Variants in PDCL2 observed in about 807,000 individuals in gnomAD.
The protein encoded by PDCL2 is phosducin-like protein 2.
Under a neutral mutation model 30.3 loss-of-function variants are expected in PDCL2, and 23 were observed. That is an observed-to-expected ratio of 0.76 (90% CI 0.55 to 1.08). The LOEUF is 1.08. Among genes scored for constraint, PDCL2 ranks in the 50% least tolerant of loss-of-function variants. PDCL2 has a pLI of 0.00. For synonymous variants in PDCL2, 68 were observed against 86.2 expected, an observed-to-expected ratio of 0.79 and a Z score of 1.17; for missense variants, 243 against 282.3, an observed-to-expected ratio of 0.86 and a Z score of 1.00.
intron 3 of PDCL2, among the ~76,000 whole-genome samples, chr4:55,574,960 A>G (rs1347616042): frequency 2.0e-5 from 3 of 152,222 alleles, no homozygotes; most frequent in African/African-American, 7.2e-5. Context: ...CTAACTTTAT[A>G]TTTAACCTTT....
chr4:55,584,061 G>C (rs1356714349), intron 1 of PDCL2, among the ~76,000 whole-genome samples: 1 of 152,052 alleles, frequency 6.6e-6, no homozygotes, highest in Non-Finnish European at 1.5e-5. Flanking sequence ...CTATTTATTT[G>C]TGTCTTCTTC....
rs1193792066 is a variant in PDCL2 at position 55,582,144 on chromosome 4, C to G, written c.100G>C (p.Val34Leu). ...EESKDEIEEMVLRLQKEAMVK... is the reference protein window; with the variant it reads ...EESKDEIEEMLLRLQKEAMVK... The stretch of plus-strand genomic sequence containing the variant: ...ATTGCTTCTTTCTGTAAACGTAAAA[C>G]CATTTCTTCAATTTCATCTTTTGAC... The change falls in exon 2 of 6, where the codon GTT becomes CTT. Residue 34 changes from valine (V) to leucine (L), a missense_variant. By Grantham distance (32) the Val-to-Leu change is conservative. Coordinates refer to ENST00000295645, the MANE Select transcript of PDCL2 (RefSeq NM_152401.3). 1 of 1,613,210 alleles carries G rather than the reference C, an allele frequency of 6.2e-7. No homozygotes were observed. Among genetic ancestry groups the G allele is most frequent in the South Asian group, 1.1e-5 (1 of 90,810 alleles).
chr4:55,567,477 G>T (rs1732298275), intron 4 of PDCL2, among the ~76,000 whole-genome samples: 1 of 152,198 alleles, frequency 6.6e-6, no homozygotes, highest in South Asian at 2.1e-4. Flanking sequence ...ATTCAAAGCT[G>T]CATTGAGCTA....
At chr4:55,562,870 CA>C (rs1415743284) in intron 4 of PDCL2, among the ~76,000 whole-genome samples, 8 of 144,858 alleles carry the variant, frequency 5.5e-5, no homozygotes, top group African/African-American at 2.0e-4. Flanking sequence ...AAACTACATT[CA>C]ACTGAGCATC....
At position 55,592,178 on chromosome 4, in the gene PDCL2, C is replaced by T; in HGVS notation, c.-69G>A. 6.3e-7 allele frequency: 1 copy of T among 1,586,674 alleles called. No individual in the cohort carries two copies. Among genetic ancestry groups the T allele is most frequent in the Admixed American group, 1.7e-5 (1 of 57,250 alleles). On this transcript the variant is annotated 5_prime_UTR_variant, in exon 1 of 6. Coordinates refer to ENST00000295645, the MANE Select transcript of PDCL2 (RefSeq NM_152401.3). Reference sequence around the variant, plus strand: ...TGGCGAGGCGCCACGGATGGAGACCCGCAGCCTTCTCCAGGCTGGAAGAGC... The same window carrying T: ...TGGCGAGGCGCCACGGATGGAGACCTGCAGCCTTCTCCAGGCTGGAAGAGC...
intron 4 of PDCL2, among the ~76,000 whole-genome samples, chr4:55,563,530 G>A (rs959435260): frequency 4.6e-5 from 7 of 152,076 alleles, no homozygotes; most frequent in Admixed American, 3.3e-4. Context: ...AAAAATGCAA[G>A]GTTTTAGGGG....
intron 4 of PDCL2, among the ~76,000 whole-genome samples, chr4:55,564,222 G>C (rs1310915111): frequency 6.6e-6 from 1 of 152,206 alleles, no homozygotes; most frequent in Admixed American, 6.5e-5. Flanking sequence ...TGGTACAACA[G>C]ATATTTGTGG....
chr4:55,558,933 C>T (rs1198830299), intron 5 of PDCL2, among the ~76,000 whole-genome samples: 1 of 152,076 alleles, frequency 6.6e-6, no homozygotes. Flanking sequence ...CACACACGCA[C>T]TCTTATAAAT....
chr4:55,580,699 A>G, intron 3 of PDCL2, 122 bp downstream of exon 3: 1 of 631,658 alleles, frequency 1.6e-6, no homozygotes, highest in African/African-American at 1.9e-5. Flanking sequence ...GGAGTTTCAA[A>G]ATGTTACTTA....
chr4:55,579,950 C>T (rs757131751), intron 3 of PDCL2, among the ~76,000 whole-genome samples: 20 of 151,934 alleles, frequency 1.3e-4, no homozygotes, highest in Non-Finnish European at 1.9e-4. Context: ...CGGGTTCAAG[C>T]GATTCTCCTG....
chr4:55,590,646 C>A (rs1732976656), intron 1 of PDCL2, among the ~76,000 whole-genome samples: 2 of 136,804 alleles, frequency 1.5e-5, no homozygotes, highest in African/African-American at 5.1e-5. Context: ...GCCACAATGT[C>A]CAGCTAATTT....
At chr4:55,566,697 G>A (rs928814368) in intron 4 of PDCL2, among the ~76,000 whole-genome samples, 2 of 151,902 alleles carry the variant, frequency 1.3e-5, no homozygotes, top group African/African-American at 4.8e-5. Flanking sequence ...CAAAGTGCTG[G>A]GATTACAGGC....
intron 4 of PDCL2, among the ~76,000 whole-genome samples, chr4:55,565,981 T>TG (rs1346953806): frequency 2.3e-5 from 3 of 131,496 alleles, no homozygotes; most frequent in African/African-American, 6.1e-5. Flanking sequence ...CTGTTTTTTT[T>TG]TTTTTTTTTT....
At chr4:55,559,426 C>A (rs1294595331) in intron 5 of PDCL2, among the ~76,000 whole-genome samples, 4 of 152,076 alleles carry the variant, frequency 2.6e-5, no homozygotes, top group Non-Finnish European at 5.9e-5. Context: ...TTGAATCAGA[C>A]ATATATGAAA....
intron 1 of PDCL2, among the ~76,000 whole-genome samples, chr4:55,586,564 G>C (rs2110168823): frequency 6.6e-6 from 1 of 152,160 alleles, no homozygotes; most frequent in African/African-American, 2.4e-5. Context: ...ACCACATTTT[G>C]TTTATTCATC....
chr4:55,583,361 T>G (rs983269260), intron 1 of PDCL2, among the ~76,000 whole-genome samples: 1 of 152,262 alleles, frequency 6.6e-6, no homozygotes, highest in Non-Finnish European at 1.5e-5. Context: ...TCCCAATATA[T>G]AGATTGTCTC....
At chr4:55,586,547 C>T (rs1437661667) in intron 1 of PDCL2, among the ~76,000 whole-genome samples, 5 of 152,146 alleles carry the variant, frequency 3.3e-5, no homozygotes, top group African/African-American at 1.2e-4. Context: ...TTCCATTGTA[C>T]CTATATACCA....
chr4:55,578,448 T>G (rs574505126), intron 3 of PDCL2, among the ~76,000 whole-genome samples: 1 of 152,236 alleles, frequency 6.6e-6, no homozygotes, highest in East Asian at 1.9e-4. Flanking sequence ...AAGTTTTCAC[T>G]TGGAAACTAC....
intron 1 of PDCL2, among the ~76,000 whole-genome samples, chr4:55,589,148 C>T (rs966619826): frequency 6.6e-6 from 1 of 152,080 alleles, no homozygotes; most frequent in African/African-American, 2.4e-5. Flanking sequence ...CATGAGCCAC[C>T]GCGCCCAGCC....
Sources: allele counts gnomAD v4.1 joint callset (sites outside exome capture counted in the v4.1 genomes callset), GRCh38; gene constraint gnomAD v4.1.1; transcripts MANE v1.5; gene names NCBI Gene and HGNC (gene_info 2026-07-23, HGNC 2026-07-21).